FAT1: variants seen among roughly 807,000 people sequenced by gnomAD.
FAT1 encodes FAT atypical cadherin 1.
FAT1 carries 171 observed loss-of-function variants against 329.8 expected under a neutral mutation model. The observed-to-expected ratio is 0.52, with a 90% CI of 0.46 to 0.59. FAT1 has a LOEUF of 0.59. Among genes scored for constraint, FAT1 ranks in the 20% least tolerant of loss-of-function variants. The pLI is 0.00. For missense variants in FAT1, 5,672 were observed against 5,774.4 expected, an observed-to-expected ratio of 0.98 and a Z score of 0.57; for synonymous variants, 2,233 against 2,228.6, an observed-to-expected ratio of 1.00 and a Z score of -0.06.
chr4:186,703,697 G>C (rs551882499), intron 2 of FAT1, among the ~76,000 whole-genome samples: 1 of 152,240 alleles, frequency 6.6e-6, no homozygotes. Context: ...AAGGAGCGAA[G>C]TTCCAGCAAG....
intron 2 of FAT1, among the ~76,000 whole-genome samples, chr4:186,678,055 A>C (rs1356617595): frequency 6.6e-6 from 1 of 152,234 alleles, no homozygotes; most frequent in African/African-American, 2.4e-5. Context: ...CAAAGTAATA[A>C]TAAACATTTC....
chr4:186,601,137 A>G (rs1366486140), intron 21 of FAT1, 132 bp downstream of exon 21: 9 of 834,610 alleles, frequency 1.1e-5, no homozygotes, highest in African/African-American at 1.7e-5. Flanking sequence ...ACAGGCATCA[A>G]TGAATTATTT....
In FAT1 at chr4:186,628,477, A is replaced by G. The variant is rs1303136418; in HGVS notation, c.4599+11T>C. ...ACCAAATGGTGGGAGGAGAGCGGGTAGAGCGCCTACCATGACCGTGAGGGT... is the reference window on the plus strand; with the variant it reads ...ACCAAATGGTGGGAGGAGAGCGGGTGGAGCGCCTACCATGACCGTGAGGGT... On this transcript the variant is annotated intron_variant, in intron 8 of 26. Coordinates refer to ENST00000441802, the MANE Select transcript of FAT1 (RefSeq NM_005245.4). 10 of 1,613,622 alleles carry G rather than the reference A, an allele frequency of 6.2e-6. No individual in the cohort carries two copies. Among genetic ancestry groups the G allele is most frequent in the Non-Finnish European group, 8.5e-6 (10 of 1,179,658 alleles).
At chr4:186,647,698 C>T (rs1177760502) in intron 3 of FAT1, among the ~76,000 whole-genome samples, 2 of 152,068 alleles carry the variant, frequency 1.3e-5, no homozygotes, top group Non-Finnish European at 2.9e-5. Flanking sequence ...CCATTTTCAC[C>T]CGATGATGTC....
Position 186,706,654 on chromosome 4 carries a change from A to G in FAT1, c.3174T>C (p.Ala1058=), listed in dbSNP as rs1275252283. 1 of 1,613,980 alleles carries G rather than the reference A, an allele frequency of 6.2e-7. No homozygotes were observed. The highest frequency in any genetic ancestry group is 1.1e-5 in the South Asian group (1 of 91,076). Residue 1058 remains alanine (A), a synonymous_variant, in exon 2 of 27, where the codon GCT becomes GCC. Transcript: ENST00000441802. ...PVGSLVMTVS[A]HDEDARRDGE... ...CATCTCTTCTGGCGTCCTCATCATG[A>G]GCCGACACCGTCATTACCAATGAAC...
At chr4:186,610,171 T>C in intron 14 of FAT1, 156 bp from the exon 15 acceptor site, 2 of 589,026 alleles carry the variant, frequency 3.4e-6, no homozygotes, top group Admixed American at 6.2e-5. Flanking sequence ...ATTCAACAAT[T>C]AAAAACTATG....
rs769908453 is a variant in FAT1, at chr4:186,621,115, G to C, written c.5471C>G (p.Ser1824Cys). Reference sequence around the variant, plus strand: ...TACTGTATGAATAGCACCAGTGCTAGAATCAATAGCAAAATATGTGTGTAC... The same window carrying C: ...TACTGTATGAATAGCACCAGTGCTACAATCAATAGCAAAATATGTGTGTAC... ...PSVHTYFAID[S>C]STGAIHTVLS... Residue 1824 changes from serine (S) to cysteine (C), a missense_variant, in exon 10 of 27, where the codon TCT (serine) becomes TGT (cysteine). Ser to Cys is a moderately radical substitution (Grantham distance 112). This residue lies in a region of FAT1 where 3,966 missense variants were observed against 3,915.2 expected (regional missense o/e 1.01). Transcript: ENST00000441802. 1 of 1,613,794 alleles carries C rather than the reference G, an allele frequency of 6.2e-7. No homozygotes were observed. Among genetic ancestry groups the C allele is most frequent in the Non-Finnish European group, 8.5e-7 (1 of 1,179,892 alleles).
intron 1 of FAT1, among the ~76,000 whole-genome samples, chr4:186,713,530 TGTACTGTATTCTTG>T (rs1464414725): frequency 6.6e-6 from 1 of 152,180 alleles, no homozygotes; most frequent in Non-Finnish European, 1.5e-5. Flanking sequence ...CACCCCTCCC[TGTACTGTATTCTTG>T]GTAAGGAAGT....
chr4:186,715,071 C>CT (rs1745146132), intron 1 of FAT1, among the ~76,000 whole-genome samples: 1 of 141,624 alleles, frequency 7.1e-6, no homozygotes, highest in Non-Finnish European at 1.5e-5. Context: ...GAGCAAGACT[C>CT]TGTCTCAAAA....
At chr4:186,697,017 A>C (rs1744069576) in intron 2 of FAT1, among the ~76,000 whole-genome samples, 1 of 152,176 alleles carries the variant, frequency 6.6e-6, no homozygotes, top group African/African-American at 2.4e-5. Context: ...CAACAAAGCA[A>C]GACTCTGTCT....
At chr4:186,656,659 T>G (rs1741916213) in intron 3 of FAT1, among the ~76,000 whole-genome samples, 1 of 152,130 alleles carries the variant, frequency 6.6e-6, no homozygotes, top group African/African-American at 2.4e-5. Context: ...GAAGTGCCAT[T>G]CCGGCTACTG....
chr4:186,665,006 A>C (rs1413752404), intron 2 of FAT1, among the ~76,000 whole-genome samples: 1 of 152,114 alleles, frequency 6.6e-6, no homozygotes, highest in African/African-American at 2.4e-5. Flanking sequence ...TATCAGAAAA[A>C]CTCATTTTTT....
At position 186,588,103 on chromosome 4, in the gene FAT1, AAGAC is replaced by A. The variant is rs138606336; in HGVS notation, c.*485_*488del. ...ACAAAATGTCACACTTCAGTGGAAAAAGACAGAATGAAACCCTGGTTATAGTAAA... is the reference window on the plus strand; with the variant it reads ...ACAAAATGTCACACTTCAGTGGAAAAAGAATGAAACCCTGGTTATAGTAAA... On this transcript the variant is annotated 3_prime_UTR_variant, in exon 27 of 27. Transcript: ENST00000441802. 9.0e-3 allele frequency: 1,990 copies of A among 221,956 alleles called. 68 individuals are homozygous for A. Among genetic ancestry groups the A allele is most frequent in the Admixed American group, 0.077 (1,381 of 17,862 alleles). The allele number at this position is 221,956 out of a possible 1,614,324, so 13.7% of individuals were successfully genotyped here.
intron 7 of FAT1, among the ~76,000 whole-genome samples, chr4:186,632,192 T>A (rs1306465986): frequency 2.0e-5 from 3 of 152,338 alleles, no homozygotes; most frequent in East Asian, 3.9e-4. Context: ...ACGTGATATT[T>A]CATGCTAAAC....
intron 2 of FAT1, among the ~76,000 whole-genome samples, chr4:186,700,281 G>A (rs1239448918): frequency 6.6e-6 from 1 of 152,126 alleles, no homozygotes; most frequent in Non-Finnish European, 1.5e-5. Context: ...GTTCAGATGG[G>A]CAGCATTTTT....
intron 1 of FAT1, among the ~76,000 whole-genome samples, chr4:186,716,216 T>C (rs1745196912): frequency 6.6e-6 from 1 of 152,136 alleles, no homozygotes; most frequent in South Asian, 2.1e-4. Context: ...GAACAGGACA[T>C]TATTAAACTT....
intron 8 of FAT1, 34 bp from the exon 9 acceptor site, chr4:186,628,398 G>C (rs2126543625): frequency 1.9e-6 from 3 of 1,609,920 alleles, no homozygotes; most frequent in Non-Finnish European, 1.7e-6. Flanking sequence ...AATCCCATTG[G>C]TGCTTTCCTT....
chr4:186,668,883 T>C (rs1189315996), intron 2 of FAT1, among the ~76,000 whole-genome samples: 1 of 152,132 alleles, frequency 6.6e-6, no homozygotes, highest in Non-Finnish European at 1.5e-5. Flanking sequence ...AATCAAACTG[T>C]GGTCACTCTC....
intron 2 of FAT1, among the ~76,000 whole-genome samples, chr4:186,679,450 T>C (rs1195783589): frequency 1.4e-5 from 2 of 145,014 alleles, no homozygotes; most frequent in African/African-American, 5.1e-5. Context: ...AAAATGGGGG[T>C]TGGGGGAACC....
Sources: allele counts gnomAD v4.1 joint callset (sites outside exome capture counted in the v4.1 genomes callset), GRCh38; gene constraint gnomAD v4.1.1; regional missense constraint gnomAD v4.1.1; transcripts MANE v1.5; gene names NCBI Gene and HGNC (gene_info 2026-07-23, HGNC 2026-07-21).